UBE2W: variants seen among roughly 807,000 people sequenced by gnomAD.
UBE2W encodes ubiquitin conjugating enzyme E2 W.
Under a neutral mutation model 27.2 loss-of-function variants are expected in UBE2W, and 18 were observed. The ratio of observed to expected loss-of-function variants is 0.66; its 90% CI spans 0.46 to 0.98. The LOEUF is 0.98. UBE2W is among the 50% of genes least tolerant of loss of function. The pLI is 0.00. For missense variants in UBE2W, 90 were observed against 180.2 expected, an observed-to-expected ratio of 0.50 and a Z score of 2.87; for synonymous variants, 53 against 57.2, an observed-to-expected ratio of 0.93 and a Z score of 0.33.
chr8:73,871,595 T>C (rs1812012323), intron 1 of UBE2W, among the ~76,000 whole-genome samples: 1 of 152,170 alleles, frequency 6.6e-6, no homozygotes, highest in Non-Finnish European at 1.5e-5. Context: ...GCATGCGCTG[T>C]TTTTTGGTGA....
At chr8:73,854,732 G>A (rs555668176) in intron 1 of UBE2W, among the ~76,000 whole-genome samples, 1 of 152,040 alleles carries the variant, frequency 6.6e-6, no homozygotes, top group Non-Finnish European at 1.5e-5. Context: ...TTGAGAGTTG[G>A]GGAACCAAGC....
intron 1 of UBE2W, among the ~76,000 whole-genome samples, chr8:73,836,831 C>T (rs576555885): frequency 1.3e-5 from 2 of 152,314 alleles, no homozygotes; most frequent in Admixed American, 1.3e-4. Context: ...TACTGGCCTG[C>T]TTTCCCAAGT....
rs1339027065 is a variant in UBE2W, at chr8:73,793,721, A to G, written c.*381T>C. On this transcript the variant is annotated 3_prime_UTR_variant, in exon 6 of 6. Coordinates refer to ENST00000602593, the MANE Select transcript of UBE2W (RefSeq NM_018299.6). Reference sequence around the variant, plus strand: ...ATCATTGAATGGCAGGAGTTAATGAAAACTTTTCCTGTTACAACGCCCATT... The same window carrying G: ...ATCATTGAATGGCAGGAGTTAATGAGAACTTTTCCTGTTACAACGCCCATT... The G allele has an allele frequency of 7.0e-6, 7 of 1,004,416 alleles. No individual in the cohort carries two copies. Among genetic ancestry groups the G allele is most frequent in the Non-Finnish European group, 8.3e-6 (7 of 842,548 alleles). The allele number at this position is 1,004,416 out of a possible 1,614,324, so 62.2% of individuals were successfully genotyped here.
chr8:73,850,376 G>C (rs1396563695), intron 1 of UBE2W, among the ~76,000 whole-genome samples: 2 of 152,192 alleles, frequency 1.3e-5, no homozygotes, highest in Middle Eastern at 3.4e-3. Flanking sequence ...CCTAGCACTT[G>C]CATTTGTAGG....
In UBE2W at chr8:73,787,010, A is replaced by C. The variant is rs541416982; in HGVS notation, c.*7092T>G. 1 of 985,450 alleles carries C rather than the reference A, an allele frequency of 1.0e-6. No individual in the cohort carries two copies. The highest frequency in any genetic ancestry group is 4.7e-5 in the South Asian group (1 of 21,288). 61.0% of individuals were successfully genotyped at this position (985,450 alleles called of 1,614,324 possible). On this transcript the variant is annotated 3_prime_UTR_variant, in exon 6 of 6. Transcript: ENST00000602593. ...ATATTCACCCACATTAAGTCCCTGA[A>C]GGCCAGATACAGACATGAGAAGATA...
chr8:73,819,066 A>G (rs1809505388), intron 3 of UBE2W, among the ~76,000 whole-genome samples: 1 of 152,112 alleles, frequency 6.6e-6, no homozygotes, highest in Non-Finnish European at 1.5e-5. Context: ...CCAGATTTAG[A>G]GCCTTTGCAT....
chr8:73,844,168 C>T (rs1462404635), intron 1 of UBE2W, among the ~76,000 whole-genome samples: 1 of 47,692 alleles, frequency 2.1e-5, no homozygotes, highest in East Asian at 6.7e-4. Context: ...CCCTCCCCCT[C>T]CCCCTCTGCA....
At chr8:73,863,827 C>G (rs913061032) in intron 1 of UBE2W, among the ~76,000 whole-genome samples, 2 of 151,488 alleles carry the variant, frequency 1.3e-5, no homozygotes, top group East Asian at 1.9e-4. Context: ...TAAATCATAA[C>G]GTGGGGATGG....
intron 5 of UBE2W, among the ~76,000 whole-genome samples, chr8:73,802,392 T>C (rs1808682058): frequency 6.6e-6 from 1 of 152,248 alleles, no homozygotes; most frequent in Non-Finnish European, 1.5e-5. Flanking sequence ...TAAGTAACTT[T>C]CATAAACGGT....
intron 1 of UBE2W, 60 bp from the exon 2 acceptor site, chr8:73,830,532 T>C: frequency 1.5e-6 from 2 of 1,376,592 alleles, no homozygotes; most frequent in Non-Finnish European, 2.1e-6. Context: ...GTCACCCAGG[T>C]TGGAGTACAG....
Position 73,787,024 on chromosome 8 carries a change from C to T in UBE2W, c.*7078G>A, listed in dbSNP as rs1042238048. The T allele has an allele frequency of 6.1e-6, 6 of 985,322 alleles. No homozygotes were observed. In the African/African-American group the frequency reaches 1.0e-4, roughly 17 times the overall value. The allele number at this position is 985,322 out of a possible 1,614,324, so 61.0% of individuals were successfully genotyped here. A position where few individuals can be genotyped will look rare whatever the true frequency, so the allele number is the denominator to read the frequency against. On this transcript the variant is annotated 3_prime_UTR_variant, in exon 6 of 6. Coordinates refer to ENST00000602593, the MANE Select transcript of UBE2W (RefSeq NM_018299.6). ...TAAGTCCCTGAAGGCCAGATACAGA[C>T]ATGAGAAGATATTTCCTACCTTAGT...
In UBE2W at chr8:73,781,175, C is replaced by A. The variant is rs182357151; in HGVS notation, c.430-658G>T. 4.0e-3 allele frequency among the ~76,000 whole-genome samples: 595 copies of A among 149,482 alleles called. 6 individuals carry two copies. The highest frequency in any genetic ancestry group is 0.014 in the African/African-American group (570 of 40,712). ...ATCCCAGCTACTTAGGAGGCTGAGG[C>A]AGGAGAATTGCTTGAACCTGGGAGG... On this transcript the variant is annotated intron_variant, in intron 4 of 4. Coordinates refer to the UBE2W transcript ENST00000523278.
At chr8:73,805,452 C>T (rs1369274069) in intron 5 of UBE2W, among the ~76,000 whole-genome samples, 199 bp downstream of exon 5, 1 of 504 alleles carries the variant, frequency 2.0e-3, no homozygotes, top group Non-Finnish European at 4.3e-3. Context: ...AAAACTCCAT[C>T]TCAAAAAAAA....
At chr8:73,860,838 C>A (rs1158718032) in intron 1 of UBE2W, among the ~76,000 whole-genome samples, 1 of 152,042 alleles carries the variant, frequency 6.6e-6, no homozygotes, top group Non-Finnish European at 1.5e-5. Context: ...GCCCAAAATT[C>A]AAAATGAAAG....
At chr8:73,866,310 T>A (rs1811770843) in intron 1 of UBE2W, among the ~76,000 whole-genome samples, 2 of 131,994 alleles carry the variant, frequency 1.5e-5, no homozygotes, top group African/African-American at 5.6e-5. Flanking sequence ...TATATATATA[T>A]ATATATATAC....
At chr8:73,866,685 A>G (rs1216550146) in intron 1 of UBE2W, among the ~76,000 whole-genome samples, 1 of 152,170 alleles carries the variant, frequency 6.6e-6, no homozygotes, top group Non-Finnish European at 1.5e-5. Context: ...AAAGAAAAAA[A>G]CATAAATTTT....
intron 1 of UBE2W, among the ~76,000 whole-genome samples, chr8:73,843,739 T>A (rs992101202): frequency 6.3e-5 from 8 of 126,604 alleles, no homozygotes; most frequent in Admixed American, 4.3e-4. Flanking sequence ...AGGATATAAC[T>A]CAGAGAAACA....
Position 73,792,065 on chromosome 8 carries a change from C to T in UBE2W, c.*2037G>A. On this transcript the variant is annotated 3_prime_UTR_variant, in exon 6 of 6. Coordinates refer to ENST00000602593, the MANE Select transcript of UBE2W (RefSeq NM_018299.6). ...ATGGAGACAGATTTCTCCCTAACCC[C>T]CAGAAGAAGATCAAGTCAAACAGTA... 1.0e-6 allele frequency: 1 copy of T among 985,192 alleles called. No individual in the cohort carries two copies. The highest frequency in any genetic ancestry group is 1.2e-6 in the Non-Finnish European group (1 of 829,790). 61.0% of individuals were successfully genotyped at this position (985,192 alleles called of 1,614,324 possible). A position where few individuals can be genotyped will look rare whatever the true frequency, so the allele number is the denominator to read the frequency against.
chr8:73,844,561 G>A (rs1810688607), intron 1 of UBE2W, among the ~76,000 whole-genome samples: 1 of 152,172 alleles, frequency 6.6e-6, no homozygotes, highest in Non-Finnish European at 1.5e-5. Context: ...CCTCTGCCCG[G>A]CCGCCACCCC....
Sources: gnomAD v4.1 joint callset for allele counts (sites outside exome capture counted in the v4.1 genomes callset) on GRCh38, gnomAD v4.1.1 for gene constraint, MANE v1.5 for transcripts, NCBI Gene and HGNC (gene_info 2026-07-23, HGNC 2026-07-21) for gene names.